MINDY3: variants seen among roughly 807,000 people sequenced by gnomAD.
MINDY3 encodes the protein ubiquitin carboxyl-terminal hydrolase MINDY-3.
In MINDY3, 38 loss-of-function variants were observed where a neutral mutation model predicts 69.2. That is an observed-to-expected ratio of 0.55 (90% CI 0.42 to 0.72). The LOEUF is 0.72. Among genes scored for constraint, MINDY3 ranks in the 30% least tolerant of loss-of-function variants. The pLI is 0.00. For missense variants in MINDY3, 522 were observed against 519.0 expected (o/e 1.01, Z -0.06); for synonymous variants, 192 against 180.1 (o/e 1.07, Z -0.53).
At chr10:15,817,061 G>C (rs991084974) in intron 9 of MINDY3, 146 bp from the exon 10 acceptor site, 54 of 627,782 alleles carry the variant, frequency 8.6e-5, no homozygotes, top group Non-Finnish European at 1.4e-4. Context: ...CACCCATAGA[G>C]ATCAAATGCT....
intron 1 of MINDY3, among the ~76,000 whole-genome samples, chr10:15,858,286 C>G (rs1484120979): frequency 6.6e-6 from 1 of 152,122 alleles, no homozygotes; most frequent in African/African-American, 2.4e-5. Context: ...TGAAATGGTA[C>G]TGATGGAACT....
chr10:15,785,191 T>A (rs188962355), intron 13 of MINDY3, among the ~76,000 whole-genome samples: 26 of 152,136 alleles, frequency 1.7e-4, no homozygotes, highest in Admixed American at 1.7e-3. Context: ...ATACAGACAA[T>A]GAGACAAACC....
intron 8 of MINDY3, among the ~76,000 whole-genome samples, chr10:15,833,151 G>A (rs1284690436): frequency 6.6e-6 from 1 of 152,166 alleles, no homozygotes; most frequent in Non-Finnish European, 1.5e-5. Context: ...ATTGAGACCA[G>A]AAATGGAAGT....
chr10:15,831,773 T>A (rs1222062903), intron 8 of MINDY3, among the ~76,000 whole-genome samples: 1 of 151,688 alleles, frequency 6.6e-6, no homozygotes, highest in Middle Eastern at 3.4e-3. Context: ...CCTCCCGGGT[T>A]CAAGCAATTC....
At chr10:15,816,741 C>T (rs999028689) in intron 10 of MINDY3, 94 bp downstream of exon 10, 2 of 841,070 alleles carry the variant, frequency 2.4e-6, no homozygotes, top group African/African-American at 3.4e-5. Context: ...TGGGAATAGA[C>T]TGAAGTTTGC....
chr10:15,844,536 C>G (rs1833697814), intron 2 of MINDY3, among the ~76,000 whole-genome samples: 1 of 152,166 alleles, frequency 6.6e-6, no homozygotes, highest in African/African-American at 2.4e-5. Context: ...GTCTATCAAG[C>G]TATTTATCAA....
intron 13 of MINDY3, among the ~76,000 whole-genome samples, chr10:15,784,565 T>C (rs11597852): frequency 5.9e-5 from 9 of 151,982 alleles, no homozygotes; most frequent in Admixed American, 3.3e-4. Context: ...ACCAACAAGG[T>C]GAAACCCCAT....
intron 10 of MINDY3, among the ~76,000 whole-genome samples, chr10:15,813,080 G>A (rs1271519961): frequency 6.6e-6 from 1 of 152,114 alleles, no homozygotes; most frequent in East Asian, 1.9e-4. Flanking sequence ...CAATTAGCTA[G>A]AGTTATCTTT....
intron 10 of MINDY3, among the ~76,000 whole-genome samples, chr10:15,809,441 AAGT>A (rs1838851944): frequency 6.6e-6 from 1 of 152,148 alleles, no homozygotes; most frequent in Non-Finnish European, 1.5e-5. Flanking sequence ...GCATGTTTTC[AAGT>A]AACCTCAATG....
At chr10:15,858,000 A>C in intron 1 of MINDY3, 1 of 927,666 alleles carries the variant, frequency 1.1e-6, no homozygotes, top group South Asian at 5.0e-5. Context: ...ATGTCACATT[A>C]GTAATGCAGC....
Position 15,778,440 on chromosome 10 carries a change from T to TA in MINDY3, c.*551dup, listed in dbSNP as rs1464429272. On this transcript the variant is annotated 3_prime_UTR_variant, in exon 15 of 15. Transcript: ENST00000277632. Reference sequence around the variant, plus strand: ...CTGTGAATAAATGGTAATGGTCTCTTAGAGTTTCTACTTTTTGTGAACATG... The same window carrying TA: ...CTGTGAATAAATGGTAATGGTCTCTTAAGAGTTTCTACTTTTTGTGAACATG... The TA allele has an allele frequency of 6.6e-6, 1 of 152,288 alleles. No individual in the cohort carries two copies. Among genetic ancestry groups the TA allele is most frequent in the Non-Finnish European group, 1.5e-5 (1 of 68,094 alleles). The allele number at this position is 152,288 out of a possible 1,614,324, so 9.4% of individuals were successfully genotyped here.
intron 1 of MINDY3, 112 bp downstream of exon 1, chr10:15,860,094 G>T: frequency 2.6e-6 from 2 of 777,826 alleles, no homozygotes; most frequent in Non-Finnish European, 2.2e-6. Flanking sequence ...TGAGCACGGC[G>T]ACTGGGGCAG....
intron 8 of MINDY3, among the ~76,000 whole-genome samples, chr10:15,832,049 C>T (rs944093416): frequency 6.6e-6 from 1 of 152,050 alleles, no homozygotes; most frequent in Non-Finnish European, 1.5e-5. Flanking sequence ...TCTCAGTCTA[C>T]GAGAGGTTGG....
intron 8 of MINDY3, among the ~76,000 whole-genome samples, chr10:15,823,028 T>A (rs1353323073): frequency 6.6e-6 from 1 of 152,110 alleles, no homozygotes; most frequent in African/African-American, 2.4e-5. Flanking sequence ...CATTTTTCCA[T>A]TAGGATATAT....
At chr10:15,788,547 A>C (rs1014737295) in intron 12 of MINDY3, among the ~76,000 whole-genome samples, 1 of 152,128 alleles carries the variant, frequency 6.6e-6, no homozygotes, top group African/African-American at 2.4e-5. Context: ...GCAGAAGGAA[A>C]AACTATGCTG....
rs1833192153 is a variant in MINDY3, at chr10:15,837,832, A to G, written c.461+396T>C. 2 of 971,246 alleles carry G rather than the reference A, an allele frequency of 2.1e-6. 1 individual carries two copies. Among genetic ancestry groups the G allele is most frequent in the African/African-American group, 3.5e-5 (2 of 57,000 alleles). The allele number at this position is 971,246 out of a possible 1,614,324, so 60.2% of individuals were successfully genotyped here. ...TTTTACTTTGTAATAAAAAGTTTAA[A>G]TGCTCTAACAAAAATATCGGTATTC... is the stretch of plus-strand genomic sequence containing the variant. On this transcript the variant is annotated intron_variant, in intron 5 of 14. Transcript: ENST00000277632.
intron 1 of MINDY3, among the ~76,000 whole-genome samples, chr10:15,857,344 C>T (rs1234672798): frequency 6.6e-6 from 1 of 152,100 alleles, no homozygotes; most frequent in African/African-American, 2.4e-5. Context: ...CAGGACACCC[C>T]ACCCAGAACT....
intron 2 of MINDY3, 52 bp downstream of exon 2, chr10:15,847,808 AGTAT>A: frequency 8.0e-7 from 1 of 1,246,936 alleles, no homozygotes; most frequent in Non-Finnish European, 1.2e-6. Context: ...GAAAACGACA[AGTAT>A]GAAACGTTTC....
At position 15,796,141 on chromosome 10, in the gene MINDY3, G is replaced by A. The variant is rs1199348277; in HGVS notation, c.914C>T (p.Ser305Leu). The A allele has an allele frequency of 1.2e-6, 2 of 1,612,746 alleles. No homozygotes were observed. The highest frequency in any genetic ancestry group is 1.7e-5 in the Admixed American group (1 of 59,946). The change falls in exon 11 of 15, where the codon TCA becomes TTA. Residue 305 changes from serine to leucine, a missense_variant. Transcript: ENST00000277632. ...DMALVAPEAP[S>L]EQARRVFQTY... is the part of the protein sequence containing the mutation. Reference sequence around the variant, plus strand: ...TTGAAAAACTCTTCTGGCTTGTTCTGAAGGAGCTTCAGGGGCAACTAAAGC... The same window carrying A: ...TTGAAAAACTCTTCTGGCTTGTTCTAAAGGAGCTTCAGGGGCAACTAAAGC...
Sources: allele counts gnomAD v4.1 joint callset (sites outside exome capture counted in the v4.1 genomes callset), GRCh38; gene constraint gnomAD v4.1.1; transcripts MANE v1.5; gene names NCBI Gene and HGNC (gene_info 2026-07-23, HGNC 2026-07-21).